The following ANKRD27 variants were observed in gnomAD, a reference collection of about 807,000 sequenced individuals.
ANKRD27 encodes the protein ankyrin repeat domain-containing protein 27.
Under a neutral mutation model 129.7 loss-of-function variants are expected in ANKRD27, and 112 were observed. That is an observed-to-expected ratio of 0.86 (90% CI 0.74 to 1.01). The LOEUF is 1.01. ANKRD27 is among the 50% of genes least tolerant of loss of function. The pLI, the probability that ANKRD27 is intolerant of heterozygous loss-of-function variation, is 0.00. For missense variants in ANKRD27, 1,258 were observed against 1,300.5 expected (o/e 0.97, Z 0.50); for synonymous variants, 516 against 511.2 (o/e 1.01, Z -0.13).
chr19:32,642,217 C>A, intron 9 of ANKRD27, 72 bp from the exon 10 acceptor site: 5 of 1,328,168 alleles, frequency 3.8e-6, no homozygotes, highest in South Asian at 2.0e-5. Context: ...TCTAAGAACA[C>A]ATCTCAGGAT....
chr19:32,654,653 C>T (rs972958213), intron 2 of ANKRD27, among the ~76,000 whole-genome samples: 2 of 112,212 alleles, frequency 1.8e-5, no homozygotes, highest in Admixed American at 1.8e-4. Context: ...GCTGGCCTCC[C>T]TGATTCTTTT....
intron 22 of ANKRD27, among the ~76,000 whole-genome samples, chr19:32,615,175 GCT>G (rs1185525293): frequency 6.6e-6 from 1 of 152,252 alleles, no homozygotes; most frequent in African/African-American, 2.4e-5. Context: ...CACGCAGGGA[GCT>G]GGCACCCGCC....
At chr19:32,605,761 G>A (rs1201006221) in intron 24 of ANKRD27, 74 bp downstream of exon 24, 113 of 1,573,376 alleles carry the variant, frequency 7.2e-5, no homozygotes, top group Non-Finnish European at 9.2e-5. Context: ...CCAGTGCGCT[G>A]CGGGGGTCGC....
chr19:32,661,351 G>A (rs1967643010), intron 1 of ANKRD27, among the ~76,000 whole-genome samples: 1 of 151,884 alleles, frequency 6.6e-6, no homozygotes, highest in African/African-American at 2.4e-5. Flanking sequence ...TTGAGACAGG[G>A]TTTCACACTG....
chr19:32,604,293 C>T lies in ANKRD27; in HGVS notation c.2625G>A (p.Arg875=). ...CAGCACAGTCTACAGCCGTGCGCTG[C>T]CGCTTGTTCAGCACCTGAACTGACG... ...HGASVQVLNK[R]QRTAVDCAEQ... Residue 875 remains arginine (R), a synonymous_variant, in exon 25 of 29, where the codon CGG becomes CGA. Transcript: ENST00000306065. 6.2e-7 allele frequency: 1 copy of T among 1,613,508 alleles called. No individual in the cohort carries two copies. The highest frequency in any genetic ancestry group is 1.1e-5 in the South Asian group (1 of 91,040).
Position 32,598,343 on chromosome 19 carries a change from G to C in ANKRD27, c.2955C>G (p.Asn985Lys). The C allele has an allele frequency of 6.2e-7, 1 of 1,614,186 alleles. No homozygotes were observed. The highest frequency in any genetic ancestry group is 8.5e-7 in the Non-Finnish European group (1 of 1,180,042). Residue 985 changes from asparagine (N) to lysine (K), a missense_variant, in exon 29 of 29, where the codon AAC (asparagine) becomes AAG (lysine). Asn to Lys is a moderately conservative substitution (Grantham distance 94). Transcript: ENST00000306065. The part of the protein sequence containing the change: ...GRQSVTLRQN[N>K]LPAQSGSHAA... ...CATGAGATCCACTCTGAGCTGGCAGGTTATTCTGTCTCAGTGTGACACTTT... is the reference window on the plus strand; with the variant it reads ...CATGAGATCCACTCTGAGCTGGCAGCTTATTCTGTCTCAGTGTGACACTTT...
At chr19:32,652,563 G>T (rs1309187968) in intron 2 of ANKRD27, among the ~76,000 whole-genome samples, 1 of 151,588 alleles carries the variant, frequency 6.6e-6, no homozygotes, top group Non-Finnish European at 1.5e-5. Context: ...CTACAAGAGC[G>T]AAACTCCATC....
At chr19:32,656,118 AAAAGAAAAGAAAAG>A (rs1568417879) in intron 2 of ANKRD27, among the ~76,000 whole-genome samples, 1 of 117,846 alleles carries the variant, frequency 8.5e-6, no homozygotes, top group African/African-American at 3.3e-5. Flanking sequence ...AAAAGAAAAG[AAAAGAAAAGAAAAG>A]AAAAGAAAAA....
intron 12 of ANKRD27, among the ~76,000 whole-genome samples, chr19:32,634,240 A>G (rs1230927208): frequency 6.6e-6 from 1 of 152,184 alleles, no homozygotes; most frequent in African/African-American, 2.4e-5. Context: ...GACTCTCTAC[A>G]TTCCTAAAGG....
chr19:32,639,190 T>G, intron 12 of ANKRD27, 166 bp downstream of exon 12: 1 of 733,808 alleles, frequency 1.4e-6, no homozygotes, highest in Middle Eastern at 4.1e-4. Context: ...GAGGGCTTGG[T>G]GTTCTCTTCA....
chr19:32,644,630 G>A, intron 4 of ANKRD27, 151 bp from the exon 5 acceptor site: 1 of 913,184 alleles, frequency 1.1e-6, no homozygotes, highest in Non-Finnish European at 1.6e-6. Context: ...AGGACACCCT[G>A]GAGTCCAGAG....
At chr19:32,610,358 G>A (rs1424229578) in intron 22 of ANKRD27, among the ~76,000 whole-genome samples, 2 of 151,880 alleles carry the variant, frequency 1.3e-5, no homozygotes, top group Non-Finnish European at 2.9e-5. Flanking sequence ...GGTGGTACGT[G>A]CCTGTAGTTC....
chr19:32,642,612 C>T (rs1967222600), intron 9 of ANKRD27, among the ~76,000 whole-genome samples: 1 of 152,120 alleles, frequency 6.6e-6, no homozygotes, highest in African/African-American at 2.4e-5. Context: ...GTAGTGTGCA[C>T]CTGTAATCCC....
chr19:32,643,176 T>C lies in ANKRD27; in HGVS notation c.729A>G (p.Thr243=). The change falls in exon 9 of 29, where the codon ACA becomes ACG. Residue 243 remains threonine, a synonymous_variant. Coordinates refer to ENST00000306065, the MANE Select transcript of ANKRD27 (RefSeq NM_032139.3). Reference sequence around the variant, plus strand: ...TCTGCTGAAGATCTTGAAGGCTTCTTGTGATTTTGTTAAAGGCCGCATCCT... The same window carrying C: ...TCTGCTGAAGATCTTGAAGGCTTCTCGTGATTTTGTTAAAGGCCGCATCCT... ...ASEDAAFNKI[T]RSLQDLQQKD... The C allele has an allele frequency of 1.2e-6, 2 of 1,614,072 alleles. No homozygotes were observed. The highest frequency in any genetic ancestry group is 1.7e-6 in the Non-Finnish European group (2 of 1,180,026).
chr19:32,622,627 G>A lies in ANKRD27; in HGVS notation c.1630-8C>T, dbSNP rs777099138. The A allele has an allele frequency of 1.2e-6, 2 of 1,613,186 alleles. No individual in the cohort carries two copies. The highest frequency in any genetic ancestry group is 1.7e-6 in the Non-Finnish European group (2 of 1,179,988). ...AACCAGAGCCTTCACACACTGCAAA[G>A]AGATGGGGAAATGGCATCGCTCATG... On this transcript the variant is annotated splice_region_variant and splice_polypyrimidine_tract_variant and intron_variant, in intron 17 of 28. Coordinates refer to ENST00000306065, the MANE Select transcript of ANKRD27 (RefSeq NM_032139.3).
chr19:32,643,191 G>A lies in ANKRD27; in HGVS notation c.714C>T (p.Ala238=), dbSNP rs1967234246. ...VGTMEASEDA[A]FNKITRSLQD... is the part of the protein sequence containing the mutation. ...GAAGGCTTCTTGTGATTTTGTTAAAGGCCGCATCCTAACAACAGATTTTAA... is the reference window on the plus strand; with the variant it reads ...GAAGGCTTCTTGTGATTTTGTTAAAAGCCGCATCCTAACAACAGATTTTAA... The change falls in exon 9 of 29, where the codon GCC becomes GCT. Residue 238 remains alanine (A), a synonymous_variant. Transcript: ENST00000306065. 6.2e-7 allele frequency: 1 copy of A among 1,614,070 alleles called. No individual in the cohort carries two copies. The highest frequency in any genetic ancestry group is 8.5e-7 in the Non-Finnish European group (1 of 1,180,030).
At chr19:32,600,452 A>G (rs1971634923) in intron 26 of ANKRD27, among the ~76,000 whole-genome samples, 1 of 151,882 alleles carries the variant, frequency 6.6e-6, no homozygotes, top group South Asian at 2.1e-4. Flanking sequence ...GAGGCAGGAG[A>G]CTCGCTTGAA....
Position 32,656,071 on chromosome 19 carries a change from G to GAAAAGA in ANKRD27, c.102+2842_102+2843insTCTTTT, listed in dbSNP as rs200168921. 4.1e-3 allele frequency among the ~76,000 whole-genome samples: 113 copies of GAAAAGA among 27,614 alleles called. 1 individual carries two copies. Among genetic ancestry groups the GAAAAGA allele is most frequent in the African/African-American group, 8.0e-3 (111 of 13,926 alleles). 18.1% of individuals were successfully genotyped at this position (27,614 alleles called of 152,430 possible). ...AAAGAAAAGAAAGAAAAGAAAGAAA[G>GAAAAGA]AAAGAAAGAAAGAAAGAAAGAAAGA... On this transcript the variant is annotated intron_variant, in intron 2 of 28. Transcript: ENST00000306065.
intron 2 of ANKRD27, among the ~76,000 whole-genome samples, chr19:32,656,968 A>T (rs191957857): frequency 2.6e-5 from 4 of 152,306 alleles, no homozygotes; most frequent in Admixed American, 2.0e-4. Flanking sequence ...TCTAATTTTT[A>T]AAATAATGAA....
Sources: allele counts gnomAD v4.1 joint callset (sites outside exome capture counted in the v4.1 genomes callset), GRCh38; gene constraint gnomAD v4.1.1; transcripts MANE v1.5; gene names NCBI Gene and HGNC (gene_info 2026-07-23, HGNC 2026-07-21).